Variants in ERGIC1 observed in about 807,000 individuals in gnomAD.
The protein encoded by ERGIC1 is endoplasmic reticulum-golgi intermediate compartment 1.
A neutral mutation model predicts 38.3 loss-of-function variants in ERGIC1; 19 were observed. That is an observed-to-expected ratio of 0.50 (90% confidence interval 0.35 to 0.73). ERGIC1 has a LOEUF of 0.73. Ranked by LOEUF, ERGIC1 falls within the 30% of genes least tolerant of loss-of-function variation. The pLI is 0.01. For synonymous variants in ERGIC1, 124 were observed against 157.6 expected, an observed-to-expected ratio of 0.79 and a Z score of 1.60; for missense variants, 294 against 389.2, an observed-to-expected ratio of 0.76 and a Z score of 2.06.
intron 8 of ERGIC1, 113 bp from the exon 9 acceptor site, chr5:172,935,075 C>A: frequency 6.7e-7 from 1 of 1,495,906 alleles, no homozygotes. Flanking sequence ...CTTCGTGGGG[C>A]AGAGAGGGAG....
At position 172,896,809 on chromosome 5, in the gene ERGIC1, G is replaced by A. The variant is rs567789115; in HGVS notation, c.83-193G>A. Among the ~76,000 whole-genome samples, 124 of 152,324 alleles carry A rather than the reference G, an allele frequency of 8.1e-4. 1 individual carries two copies. Among genetic ancestry groups the A allele is most frequent in the South Asian group, 2.1e-3 (10 of 4,822 alleles). Reference sequence around the variant, plus strand: ...TCGGCAGGTTGATCCACACCTGGAGGCCAGACCAGTACCCCAAAGGCAGGG... The same window carrying A: ...TCGGCAGGTTGATCCACACCTGGAGACCAGACCAGTACCCCAAAGGCAGGG... On this transcript the variant is annotated intron_variant, in intron 2 of 9. Coordinates refer to ENST00000393784, the MANE Select transcript of ERGIC1 (RefSeq NM_001031711.3).
chr5:172,845,090 C>T (rs1218683428), intron 1 of ERGIC1, among the ~76,000 whole-genome samples: 2 of 152,084 alleles, frequency 1.3e-5, no homozygotes, highest in Admixed American at 6.6e-5. Flanking sequence ...CAGGTGATGC[C>T]GCTAAGTCCC....
chr5:172,847,012 G>T (rs775622714), intron 1 of ERGIC1, among the ~76,000 whole-genome samples: 9 of 152,200 alleles, frequency 5.9e-5, no homozygotes, highest in Non-Finnish European at 1.0e-4. Context: ...ACAACCTGCA[G>T]ATCTCAGTGC....
At chr5:172,857,038 T>C (rs1761566279) in intron 1 of ERGIC1, among the ~76,000 whole-genome samples, 1 of 152,182 alleles carries the variant, frequency 6.6e-6, no homozygotes, top group African/African-American at 2.4e-5. Flanking sequence ...CAAGAGCTTT[T>C]TGAAAAACAG....
chr5:172,856,804 C>G (rs187913292), intron 1 of ERGIC1, among the ~76,000 whole-genome samples: 1 of 152,272 alleles, frequency 6.6e-6, no homozygotes, highest in Non-Finnish European at 1.5e-5. Flanking sequence ...ACTGTGGAGA[C>G]CAACCTGAGA....
At chr5:172,866,531 CAG>C (rs1761867172) in intron 1 of ERGIC1, among the ~76,000 whole-genome samples, 1 of 152,256 alleles carries the variant, frequency 6.6e-6, no homozygotes. Flanking sequence ...AGCTGCGTCA[CAG>C]GGGAAGCACT....
rs1164803721 is a variant in ERGIC1 at position 172,834,397 on chromosome 5, C to A, written c.-17C>A. On this transcript the variant is annotated 5_prime_UTR_variant, in exon 1 of 10. Coordinates refer to ENST00000393784, the MANE Select transcript of ERGIC1 (RefSeq NM_001031711.3). The surrounding 1 kb of genome is among the most constrained non-coding windows in gnomAD (Gnocchi z 4.1). ...GCCCGCCTGGCCTGCAGCGCTCCCA[C>A]CCCCGGCGGCGGCACGATGCCCTTT... 7.6e-6 allele frequency: 10 copies of A among 1,322,820 alleles called. No individual in the cohort carries two copies. In the East Asian group the frequency reaches 2.2e-4, roughly 29 times the overall value. 81.9% of individuals were successfully genotyped at this position (1,322,820 alleles called of 1,614,324 possible).
intron 1 of ERGIC1, among the ~76,000 whole-genome samples, chr5:172,853,464 C>T (rs1581512697): frequency 6.6e-6 from 1 of 152,178 alleles, no homozygotes; most frequent in African/African-American, 2.4e-5. Context: ...GACTACTTAG[C>T]ATTTCCCTGC....
intron 5 of ERGIC1, chr5:172,921,667 G>C (rs1763522749): frequency 6.6e-6 from 1 of 152,250 alleles, no homozygotes; most frequent in Non-Finnish European, 1.5e-5. Context: ...GGGGACCTTT[G>C]ATAAACAGCC....
chr5:172,861,994 T>C (rs963366125), intron 1 of ERGIC1, among the ~76,000 whole-genome samples: 5 of 151,722 alleles, frequency 3.3e-5, no homozygotes, highest in Non-Finnish European at 7.4e-5. Flanking sequence ...TTTTTAATTT[T>C]ATTATTATTA....
At chr5:172,857,724 C>T (rs1269996104) in intron 1 of ERGIC1, among the ~76,000 whole-genome samples, 2 of 152,048 alleles carry the variant, frequency 1.3e-5, no homozygotes, top group East Asian at 1.9e-4. Flanking sequence ...ACCCCAGGCA[C>T]CCCTCTTCCA....
intron 4 of ERGIC1, among the ~76,000 whole-genome samples, chr5:172,913,637 C>A (rs1019658802): frequency 2.0e-5 from 3 of 152,200 alleles, no homozygotes; most frequent in Non-Finnish European, 4.4e-5. Context: ...CACCTCCTTT[C>A]TAGCGCTCCT....
intron 3 of ERGIC1, among the ~76,000 whole-genome samples, chr5:172,903,831 A>T (rs1424022460): frequency 2.0e-5 from 3 of 151,800 alleles, no homozygotes; most frequent in African/African-American, 7.3e-5. Context: ...CAGGATTCGA[A>T]CCCTGGTAGC....
intron 9 of ERGIC1, among the ~76,000 whole-genome samples, chr5:172,938,977 T>A (rs1763946187): frequency 2.0e-5 from 3 of 151,438 alleles, no homozygotes; most frequent in Admixed American, 2.0e-4. Flanking sequence ...GCAGGAGAAT[T>A]GCTTGAACCT....
intron 1 of ERGIC1, among the ~76,000 whole-genome samples, chr5:172,888,148 ACT>A (rs1762467359): frequency 6.6e-6 from 1 of 151,788 alleles, no homozygotes; most frequent in South Asian, 2.1e-4. Context: ...CAGAAGTTAC[ACT>A]CTGATGGAAG....
At chr5:172,850,800 G>T (rs185207407) in intron 1 of ERGIC1, among the ~76,000 whole-genome samples, 1 of 152,266 alleles carries the variant, frequency 6.6e-6, no homozygotes, top group East Asian at 1.9e-4. Flanking sequence ...CAAACTGGTG[G>T]CATCAGAGGT....
chr5:172,884,691 T>C (rs1046233984), intron 1 of ERGIC1, among the ~76,000 whole-genome samples: 3 of 152,232 alleles, frequency 2.0e-5, no homozygotes, highest in Admixed American at 2.0e-4. Context: ...GAGCTCTGAC[T>C]GCTTTAAGTA....
At chr5:172,880,865 A>T (rs900119741) in intron 1 of ERGIC1, among the ~76,000 whole-genome samples, 2 of 152,186 alleles carry the variant, frequency 1.3e-5, no homozygotes, top group Non-Finnish European at 2.9e-5. Context: ...CCCCACTCCC[A>T]TTCCCTTGAC....
intron 1 of ERGIC1, among the ~76,000 whole-genome samples, chr5:172,884,092 T>C (rs1055892951): frequency 2.0e-5 from 3 of 152,224 alleles, no homozygotes; most frequent in Non-Finnish European, 2.9e-5. Flanking sequence ...GGTATGTCAA[T>C]ATCCTGTCTT....
Sources: allele counts gnomAD v4.1 joint callset (sites outside exome capture counted in the v4.1 genomes callset), GRCh38; gene constraint gnomAD v4.1.1; non-coding constraint Gnocchi (gnomAD v3.1); transcripts MANE v1.5; gene names NCBI Gene and HGNC (gene_info 2026-07-23, HGNC 2026-07-21).